NTRK3: variants seen among roughly 807,000 people sequenced by gnomAD.
The protein encoded by NTRK3 is NT-3 growth factor receptor.
In NTRK3, 24 loss-of-function variants were observed where a neutral mutation model predicts 91.7. The ratio of observed to expected loss-of-function variants is 0.26; its 90% confidence interval spans 0.19 to 0.37. The LOEUF is 0.37. Among genes scored for constraint, NTRK3 ranks in the 10% least tolerant of loss-of-function variants. NTRK3 has a pLI of 1.00. For missense variants in NTRK3, 880 were observed against 1,068.9 expected (o/e 0.82, Z 2.46); for synonymous variants, 483 against 404.0 (o/e 1.20, Z -2.34).
chr15:87,900,693 GTGT>G (rs1567085737), intron 17 of NTRK3, among the ~76,000 whole-genome samples: 1 of 135,304 alleles, frequency 7.4e-6, no homozygotes, highest in Non-Finnish European at 1.6e-5. Context: ...TACAGAGGGT[GTGT>G]GTGTGTGTGT....
chr15:87,886,259 G>A (rs1053413199), intron 17 of NTRK3, among the ~76,000 whole-genome samples: 1 of 151,978 alleles, frequency 6.6e-6, no homozygotes, highest in African/African-American at 2.4e-5. Flanking sequence ...GGTAGAATCT[G>A]TCAACATTAA....
intron 14 of NTRK3, chr15:87,977,666 C>T: frequency 4.3e-6 from 1 of 232,294 alleles, no homozygotes; most frequent in Non-Finnish European, 8.5e-6. Flanking sequence ...ATGAGGAGAG[C>T]TGGAGGGGGC....
At chr15:88,236,471 A>T (rs1445072441) in intron 3 of NTRK3, among the ~76,000 whole-genome samples, 2 of 148,026 alleles carry the variant, frequency 1.4e-5, no homozygotes, top group Non-Finnish European at 3.0e-5. Context: ...CCAGGAGTTC[A>T]AGACCAGCCT....
At chr15:88,105,346 C>T (rs1419656011) in intron 13 of NTRK3, among the ~76,000 whole-genome samples, 2 of 152,172 alleles carry the variant, frequency 1.3e-5, no homozygotes, top group Non-Finnish European at 2.9e-5. Flanking sequence ...GGCCCAAGGA[C>T]CTAGCCACTG....
At chr15:87,956,363 T>G (rs2071656245) in intron 14 of NTRK3, among the ~76,000 whole-genome samples, 1 of 152,134 alleles carries the variant, frequency 6.6e-6, no homozygotes, top group Non-Finnish European at 1.5e-5. Context: ...AACCTTTGCC[T>G]CCCAGGTTCA....
At chr15:88,170,007 C>G (rs113556065) in intron 5 of NTRK3, among the ~76,000 whole-genome samples, 2,490 of 152,268 alleles carry the variant, frequency 0.016, 56 homozygotes, top group African/African-American at 0.057. Flanking sequence ...CTCTTCCACC[C>G]CTAGACTATC....
chr15:87,876,912 G>T (rs745314130), exon 19 of NTRK3: 39 of 1,613,166 alleles, frequency 2.4e-5, no homozygotes, highest in Non-Finnish European at 3.2e-5. Context: ...AACAGAGTAT[G>T]AATTCATGAC....
chr15:88,147,546 T>TTCC, intron 5 of NTRK3, 143 bp from the exon 6 acceptor site: 1 of 663,840 alleles, frequency 1.5e-6, no homozygotes, highest in Non-Finnish European at 2.6e-6. Context: ...CTTCTTCTTC[T>TTCC]TCTTCTTCAT....
intron 13 of NTRK3, among the ~76,000 whole-genome samples, chr15:88,117,697 G>T (rs1806133506): frequency 6.6e-6 from 1 of 152,236 alleles, no homozygotes; most frequent in African/African-American, 2.4e-5. Flanking sequence ...TAGGGAGGAA[G>T]CCAGCAGCAT....
intron 14 of NTRK3, among the ~76,000 whole-genome samples, chr15:88,012,644 T>G (rs1320504894): frequency 6.6e-6 from 1 of 152,264 alleles, no homozygotes; most frequent in South Asian, 2.1e-4. Context: ...TAGAACTTAA[T>G]GGATGCTCAA....
chr15:88,002,525 G>A (rs1306890015), intron 14 of NTRK3, among the ~76,000 whole-genome samples: 3 of 152,076 alleles, frequency 2.0e-5, no homozygotes, highest in African/African-American at 7.2e-5. Flanking sequence ...CTGACATTCA[G>A]AGAATCTGAG....
intron 17 of NTRK3, among the ~76,000 whole-genome samples, chr15:87,887,371 A>G (rs1047924871): frequency 4.6e-5 from 7 of 152,208 alleles, no homozygotes; most frequent in African/African-American, 1.7e-4. Context: ...TGGGTTCTAA[A>G]TGTCACTTTT....
chr15:88,052,748 G>T (rs1426026449), intron 13 of NTRK3, among the ~76,000 whole-genome samples: 1 of 152,182 alleles, frequency 6.6e-6, no homozygotes, highest in Non-Finnish European at 1.5e-5. Flanking sequence ...GTGTCAGGGA[G>T]GGGAGTATAG....
At chr15:87,902,365 T>A (rs2066506573) in intron 17 of NTRK3, among the ~76,000 whole-genome samples, 1 of 152,240 alleles carries the variant, frequency 6.6e-6, no homozygotes, top group African/African-American at 2.4e-5. Flanking sequence ...CTACTGAACA[T>A]CTAGGTCCCA....
intron 3 of NTRK3, among the ~76,000 whole-genome samples, chr15:88,220,566 T>C (rs544261257): frequency 1.3e-5 from 2 of 152,296 alleles, no homozygotes; most frequent in East Asian, 3.9e-4. Flanking sequence ...TTGGTGAGAA[T>C]GAAATGGGTC....
chr15:88,145,949 A>G (rs542826826), intron 6 of NTRK3, among the ~76,000 whole-genome samples: 116 of 152,334 alleles, frequency 7.6e-4, no homozygotes, highest in African/African-American at 2.7e-3. Context: ...TTGGGTCCAC[A>G]CACTGCCACT....
intron 14 of NTRK3, among the ~76,000 whole-genome samples, chr15:87,983,185 T>C (rs1410732337): frequency 1.3e-5 from 2 of 152,218 alleles, no homozygotes; most frequent in Non-Finnish European, 2.9e-5. Context: ...AGCACTGACA[T>C]AGCACTGGCT....
intron 14 of NTRK3, among the ~76,000 whole-genome samples, chr15:87,979,719 C>T (rs1049999757): frequency 1.2e-4 from 19 of 152,126 alleles, no homozygotes; most frequent in Admixed American, 7.9e-4. Context: ...GGGGCTTGGC[C>T]TTGGATTGTC....
chr15:88,167,861 C>G (rs918085053), intron 5 of NTRK3, among the ~76,000 whole-genome samples: 1 of 152,152 alleles, frequency 6.6e-6, no homozygotes, highest in African/African-American at 2.4e-5. Flanking sequence ...CCATAAAATT[C>G]TGATATGAGG....
Sources: allele counts gnomAD v4.1 joint callset (sites outside exome capture counted in the v4.1 genomes callset), GRCh38; gene constraint gnomAD v4.1.1; transcripts MANE v1.5; gene names NCBI Gene and HGNC (gene_info 2026-07-23, HGNC 2026-07-21).